PROS1: variants seen among roughly 807,000 people sequenced by gnomAD.
PROS1 encodes the protein protein S, also known as vitamin K-dependent protein S.
PROS1 carries 29 observed loss-of-function variants against 75.9 expected under a neutral mutation model. The observed-to-expected ratio is 0.38, with a 90% confidence interval of 0.28 to 0.52. The LOEUF (loss-of-function observed/expected upper bound fraction) is 0.52. Ranked by LOEUF, PROS1 falls within the 20% of genes least tolerant of loss-of-function variation. The pLI is 0.83. For synonymous variants in PROS1, 245 were observed against 280.6 expected (o/e 0.87, Z 1.27); for missense variants, 680 against 810.3 (o/e 0.84, Z 1.95).
At chr3:93,932,692 GGTAA>G (rs1196250214) in intron 1 of PROS1, among the ~76,000 whole-genome samples, 1 of 152,068 alleles carries the variant, frequency 6.6e-6, no homozygotes, top group African/African-American at 2.4e-5. Flanking sequence ...TCATGTGGGG[GGTAA>G]GTCTTTGTTT....
At chr3:93,935,803 G>A (rs1396654517) in intron 1 of PROS1, among the ~76,000 whole-genome samples, 2 of 151,672 alleles carry the variant, frequency 1.3e-5, no homozygotes, top group Admixed American at 1.3e-4. Context: ...TAACCAAAAG[G>A]CTTTAAGACA....
intron 1 of PROS1, among the ~76,000 whole-genome samples, chr3:93,930,046 T>C (rs1437680578): frequency 6.6e-6 from 1 of 152,216 alleles, no homozygotes; most frequent in Non-Finnish European, 1.5e-5. Context: ...ACTAAAAAAA[T>C]CTTTCAAGAG....
chr3:93,972,064 T>C (rs1191936878), intron 1 of PROS1, among the ~76,000 whole-genome samples: 1 of 152,146 alleles, frequency 6.6e-6, no homozygotes, highest in African/African-American at 2.4e-5. Flanking sequence ...CACAAACCCA[T>C]ATAATTTTTA....
At chr3:93,892,879 T>C in intron 10 of PROS1, 54 bp downstream of exon 10, 1 of 1,555,444 alleles carries the variant, frequency 6.4e-7, no homozygotes, top group Non-Finnish European at 8.9e-7. Context: ...TAAATTATGA[T>C]TTTATACAGA....
chr3:93,892,848 G>T, intron 10 of PROS1, 85 bp downstream of exon 10: 2 of 1,292,518 alleles, frequency 1.5e-6, no homozygotes, highest in South Asian at 1.2e-5. Context: ...AATCCATTTT[G>T]GTTTGGTATC....
chr3:93,901,425 C>A (rs563246449), intron 6 of PROS1, among the ~76,000 whole-genome samples: 2 of 152,016 alleles, frequency 1.3e-5, no homozygotes, highest in African/African-American at 4.8e-5. Flanking sequence ...TGCAGTTAAT[C>A]CAATATGAAT....
chr3:93,882,428 C>G (rs185720357), intron 12 of PROS1, among the ~76,000 whole-genome samples: 1 of 152,118 alleles, frequency 6.6e-6, no homozygotes, highest in Non-Finnish European at 1.5e-5. Context: ...CCACTCCCAC[C>G]CTTACAACAA....
Position 93,965,008 on chromosome 3 carries a change from G to A in PROS1, c.76+8666C>T, listed in dbSNP as rs1184368999. Among the ~76,000 whole-genome samples, 12 of 152,222 alleles carry A rather than the reference G, an allele frequency of 7.9e-5. No individual in the cohort carries two copies. In the South Asian group the frequency reaches 1.5e-3, roughly 18 times the overall value. ...GGGGCTTGCAACTTAGCTCACACCC[G>A]ACCAATCAGAGAGCTCACTAAAATG... On this transcript the variant is annotated intron_variant, in intron 1 of 14. Coordinates refer to ENST00000394236, the MANE Select transcript of PROS1 (RefSeq NM_000313.4).
intron 1 of PROS1, among the ~76,000 whole-genome samples, chr3:93,928,002 T>TATAC (rs71105167): frequency 1.8e-4 from 4 of 22,380 alleles, no homozygotes; most frequent in African/African-American, 9.0e-4. Flanking sequence ...TGTATATATA[T>TATAC]ATATATATAT....
rs561966068 is a variant in PROS1, at chr3:93,938,761, G to A, written c.77-11354C>T. ...AACTCTGGTGCTGGTCACGGACTTG[G>A]GAAGACAGCCTTCCCTTGGTGTTTA... On this transcript the variant is annotated intron_variant, in intron 1 of 14. Coordinates refer to ENST00000394236, the MANE Select transcript of PROS1 (RefSeq NM_000313.4). 4.9e-3 allele frequency among the ~76,000 whole-genome samples: 752 copies of A among 152,232 alleles called. 2 individuals carry two copies. Among genetic ancestry groups the A allele is most frequent in the Middle Eastern group, 6.8e-3 (2 of 294 alleles).
intron 1 of PROS1, among the ~76,000 whole-genome samples, chr3:93,962,012 C>T (rs1322241195): frequency 6.6e-6 from 1 of 152,124 alleles, no homozygotes; most frequent in Non-Finnish European, 1.5e-5. Flanking sequence ...TTCACTGATC[C>T]TGTGAAAAAC....
intron 1 of PROS1, among the ~76,000 whole-genome samples, chr3:93,929,248 C>G (rs1709070687): frequency 6.6e-6 from 1 of 152,150 alleles, no homozygotes; most frequent in South Asian, 2.1e-4. Context: ...GAGGCCAAGG[C>G]AGGAGGATCA....
At chr3:93,903,240 C>T (rs1171025370) in intron 6 of PROS1, among the ~76,000 whole-genome samples, 1 of 152,074 alleles carries the variant, frequency 6.6e-6, no homozygotes, top group African/African-American at 2.4e-5. Flanking sequence ...AACAATAATG[C>T]AAATGAATAT....
intron 1 of PROS1, among the ~76,000 whole-genome samples, chr3:93,940,458 A>G (rs1474939749): frequency 1.3e-5 from 2 of 152,114 alleles, no homozygotes; most frequent in Non-Finnish European, 2.9e-5. Context: ...TGTTGTGGGT[A>G]CTGACGTCTG....
rs772677117 is a variant in PROS1, at chr3:93,896,633, G to A, written c.908C>T (p.Ala303Val). 15 of 1,613,582 alleles carry A rather than the reference G, an allele frequency of 9.3e-6. No individual in the cohort carries two copies. The highest frequency in any genetic ancestry group is 6.6e-5 in the South Asian group (6 of 91,072). The change falls in exon 9 of 15, where the codon GCG becomes GTG. Residue 303 changes from alanine (A) to valine (V), a missense_variant. Coordinates refer to ENST00000394236, the MANE Select transcript of PROS1 (RefSeq NM_000313.4). ...LDTKYELLYL[A>V]EQFAGVVLYL... is the part of the protein sequence containing the mutation. ...TAAAACAACCCCTGCAAACTGCTCC[G>A]CCAAGTAAAGTAATTCATACTTTGT...
At chr3:93,902,107 G>A (rs1046448592) in intron 6 of PROS1, among the ~76,000 whole-genome samples, 2 of 151,912 alleles carry the variant, frequency 1.3e-5, no homozygotes, top group African/African-American at 2.4e-5. Context: ...GAGCAACATG[G>A]TGGAACCCCA....
rs796589892 is a variant in PROS1, at chr3:93,938,147, A to G, written c.77-10740T>C. Among the ~76,000 whole-genome samples, 71 of 152,332 alleles carry G rather than the reference A, an allele frequency of 4.7e-4. 1 individual carries two copies. Among genetic ancestry groups the G allele is most frequent in the African/African-American group, 1.5e-3 (64 of 41,570 alleles). On this transcript the variant is annotated intron_variant, in intron 1 of 14. Transcript: ENST00000394236. Reference sequence around the variant, plus strand: ...CCTGAAGCAAGTGAAGGATCACAAAAGAAGTGAAAATGGCTGGTTCCTGCC... The same window carrying G: ...CCTGAAGCAAGTGAAGGATCACAAAGGAAGTGAAAATGGCTGGTTCCTGCC...
chr3:93,898,562 A>G lies in PROS1; in HGVS notation c.735T>C (p.Asp245=), dbSNP rs770695382. Residue 245 remains aspartate (D), a synonymous_variant, in exon 8 of 15, where the codon GAT becomes GAC. Coordinates refer to ENST00000394236, the MANE Select transcript of PROS1 (RefSeq NM_000313.4). ...GAGCACACATGTTCTCAGAGCATTC[A>G]TCTATATCTGAGGTAAAAAAAACAC... ...NLKSKSCEDI[D]ECSENMCAQL... is the part of the protein sequence containing the mutation. 3 of 1,612,384 alleles carry G rather than the reference A, an allele frequency of 1.9e-6. No individual in the cohort carries two copies. The highest frequency in any genetic ancestry group is 1.7e-4 in the Middle Eastern group (1 of 6,042).
In PROS1 at chr3:93,942,008, C is replaced by T. The variant is rs374559386; in HGVS notation, c.77-14601G>A. Reference sequence around the variant, plus strand: ...CTCCCACATTATTCTGAATACCACACTTGACCCCCATGACTGTATCTCTCT... The same window carrying T: ...CTCCCACATTATTCTGAATACCACATTTGACCCCCATGACTGTATCTCTCT... On this transcript the variant is annotated intron_variant, in intron 1 of 14. Transcript: ENST00000394236. Among the ~76,000 whole-genome samples, 19 of 152,280 alleles carry T rather than the reference C, an allele frequency of 1.2e-4. No homozygotes were observed. The East Asian group carries it at 3.1e-3, about 25-fold the overall frequency.
Sources: allele counts gnomAD v4.1 joint callset (sites outside exome capture counted in the v4.1 genomes callset), GRCh38; gene constraint gnomAD v4.1.1; transcripts MANE v1.5; gene names NCBI Gene and HGNC (gene_info 2026-07-23, HGNC 2026-07-21).